Variants in FARP2 observed in about 807,000 individuals in gnomAD.
The protein encoded by FARP2 is FERM, ARHGEF and pleckstrin domain-containing protein 2.
FARP2 carries 111 observed loss-of-function variants against 130.5 expected under a neutral mutation model. The ratio of observed to expected loss-of-function variants is 0.85; its 90% CI spans 0.73 to 1.00. The LOEUF is 1.00. FARP2 is among the 50% of genes least tolerant of loss of function. The pLI is 0.00. For synonymous variants in FARP2, 504 were observed against 516.9 expected, an observed-to-expected ratio of 0.98 and a Z score of 0.34; for missense variants, 1,385 against 1,346.3, an observed-to-expected ratio of 1.03 and a Z score of -0.45.
intron 7 of FARP2, among the ~76,000 whole-genome samples, chr2:241,415,989 C>CTGTGTGTGTGTGTGTGTG (rs57774022): frequency 1.4e-5 from 2 of 141,714 alleles, no homozygotes; most frequent in African/African-American, 2.7e-5. Context: ...CAGGGTAGTT[C>CTGTGTGTGTGTGTGTGTG]TGTGTGTGTG....
At chr2:241,425,740 TC>T (rs1416933089) in intron 8 of FARP2, among the ~76,000 whole-genome samples, 5 of 108,694 alleles carry the variant, frequency 4.6e-5, no homozygotes, top group South Asian at 3.2e-4. Context: ...TCTCTCTCTC[TC>T]TTTTTTTTTT....
Position 241,434,328 on chromosome 2 carries a change from G to A in FARP2, c.1031+7G>A, listed in dbSNP as rs201484729. On this transcript the variant is annotated splice_region_variant and intron_variant, in intron 10 of 26. Transcript: ENST00000264042. The stretch of plus-strand genomic sequence containing the variant: ...GCTCCTCCTTCAGATACAGGTAGGG[G>A]CCATGCCGTGGCTTGCATGGGCCCC... 19 of 1,590,752 alleles carry A rather than the reference G, an allele frequency of 1.2e-5. No homozygotes were observed. In the East Asian group the frequency reaches 4.3e-4, roughly 36 times the overall value.
At chr2:241,483,378 C>G in intron 19 of FARP2, 87 bp from the exon 20 acceptor site, 1 of 1,145,190 alleles carries the variant, frequency 8.7e-7, no homozygotes, top group Non-Finnish European at 1.3e-6. Flanking sequence ...CAAGCGGCCA[C>G]AAGGCTATTC....
intron 3 of FARP2, 48 bp from the exon 4 acceptor site, chr2:241,404,751 A>G (rs765552459): frequency 7.1e-7 from 1 of 1,416,420 alleles, no homozygotes; most frequent in Non-Finnish European, 9.9e-7. Flanking sequence ...CTTGTTAAAT[A>G]GAGACATTAT....
intron 1 of FARP2, among the ~76,000 whole-genome samples, chr2:241,366,136 T>TGTGTATATATATACGTATATATATATAG (rs2061314366): frequency 1.8e-5 from 1 of 54,350 alleles, no homozygotes; most frequent in African/African-American, 6.5e-5. Context: ...TATATATATA[T>TGTGTATATATATACGTATATATATATAG]ATACACACAC....
intron 13 of FARP2, chr2:241,447,079 C>A (rs1328808045): frequency 6.6e-6 from 1 of 152,092 alleles, no homozygotes; most frequent in Admixed American, 6.5e-5. Flanking sequence ...TATAAATTTG[C>A]AGATATGTAC....
intron 21 of FARP2, among the ~76,000 whole-genome samples, chr2:241,487,744 C>CTT: frequency 2.2e-5 from 1 of 45,174 alleles, no homozygotes; most frequent in Non-Finnish European, 4.3e-5. Flanking sequence ...GCCTAGCCTA[C>CTT]TCTTTTTTTT....
chr2:241,478,905 C>G (rs2064543848), intron 19 of FARP2: 2 of 395,310 alleles, frequency 5.1e-6, no homozygotes, highest in Admixed American at 6.8e-5. Flanking sequence ...TATGTGGTGT[C>G]CAAGAAACTT....
chr2:241,370,951 G>GT (rs761881302), intron 1 of FARP2, among the ~76,000 whole-genome samples: 7 of 152,362 alleles, frequency 4.6e-5, no homozygotes, highest in Admixed American at 3.9e-4. Flanking sequence ...GGTAATAAAT[G>GT]TGTCAGTCAG....
rs751018109 is a variant in FARP2, at chr2:241,411,082, A to G, written c.460A>G (p.Thr154Ala). Residue 154 changes from threonine (T) to alanine (A), a missense_variant, in exon 6 of 27, where the codon ACC (threonine) becomes GCC (alanine). By Grantham distance (58) the Thr-to-Ala change is moderately conservative. Coordinates refer to ENST00000264042, the MANE Select transcript of FARP2 (RefSeq NM_014808.4). Reference sequence around the variant, plus strand: ...GAGAGACCTGCTGGAAGAGCGTTTGACCTGTGCTGACACCACAGCGGCCCT... The same window carrying G: ...GAGAGACCTGCTGGAAGAGCGTTTGGCCTGTGCTGACACCACAGCGGCCCT... ...LKRDLLEERL[T>A]CADTTAALLT... 7.4e-6 allele frequency: 12 copies of G among 1,612,342 alleles called. No individual in the cohort carries two copies. The highest frequency in any genetic ancestry group is 1.0e-5 in the Non-Finnish European group (12 of 1,179,216).
At chr2:241,460,195 GC>G (rs1174934599) in intron 14 of FARP2, among the ~76,000 whole-genome samples, 1 of 152,144 alleles carries the variant, frequency 6.6e-6, no homozygotes, top group Non-Finnish European at 1.5e-5. Flanking sequence ...GAAGGCTGGG[GC>G]CTCCCAGACC....
At chr2:241,484,203 T>A (rs1304544896) in intron 20 of FARP2, 39 bp from the exon 21 acceptor site, 4 of 1,613,190 alleles carry the variant, frequency 2.5e-6, no homozygotes, top group Non-Finnish European at 3.4e-6. Flanking sequence ...AAGACACTTG[T>A]TTGTGAAGTT....
chr2:241,360,673 CA>C (rs57878067), intron 1 of FARP2, among the ~76,000 whole-genome samples: 2,398 of 91,856 alleles, frequency 0.026, 22 homozygotes, highest in African/African-American at 0.07. Context: ...GACTCTGTCT[CA>C]AAAAAAAAAA....
chr2:241,414,099 G>C (rs2062601883), intron 7 of FARP2, among the ~76,000 whole-genome samples: 1 of 152,170 alleles, frequency 6.6e-6, no homozygotes, highest in South Asian at 2.1e-4. Context: ...TGCTGTGGTA[G>C]AGGAGGAGGG....
At chr2:241,406,315 C>A (rs761486959) in intron 4 of FARP2, among the ~76,000 whole-genome samples, 4 of 151,390 alleles carry the variant, frequency 2.6e-5, no homozygotes, top group Non-Finnish European at 4.4e-5. Flanking sequence ...CTCAAAAAAA[C>A]CAAAACAAAA....
intron 18 of FARP2, among the ~76,000 whole-genome samples, chr2:241,470,790 C>T (rs2064285397): frequency 6.6e-6 from 1 of 151,392 alleles, no homozygotes; most frequent in Non-Finnish European, 1.5e-5. Context: ...GGACCCTGTT[C>T]TTAGGAGGAT....
intron 12 of FARP2, among the ~76,000 whole-genome samples, chr2:241,439,874 C>T (rs891675135): frequency 2.0e-5 from 3 of 152,094 alleles, no homozygotes; most frequent in African/African-American, 7.2e-5. Context: ...CGGAGAATTG[C>T]TTGAACCTGG....
chr2:241,492,608 C>T (rs914683451), intron 24 of FARP2: 1 of 229,330 alleles, frequency 4.4e-6, no homozygotes, highest in African/African-American at 2.3e-5. Flanking sequence ...CCAGACTTGG[C>T]TCAATGTACT....
rs1163987379 is a variant in FARP2 at position 241,437,639 on chromosome 2, C to CATAT, written c.1158+1110_1158+1113dup. On this transcript the variant is annotated intron_variant, in intron 12 of 26. Coordinates refer to ENST00000264042, the MANE Select transcript of FARP2 (RefSeq NM_014808.4). The stretch of plus-strand genomic sequence containing the variant: ...TACCATCATGCCTCGCTGACATATA[C>CATAT]ATATATATATATTTATTTATTTATT... Among the ~76,000 whole-genome samples the CATAT allele has an allele frequency of 6.4e-4, 86 of 133,594 alleles. 2 individuals carry two copies. The highest frequency in any genetic ancestry group is 5.4e-3 in the Admixed American group (66 of 12,144). The allele number at this position is 133,594 out of a possible 152,430, so 87.6% of individuals were successfully genotyped here.
Sources: gnomAD v4.1 joint callset for allele counts (sites outside exome capture counted in the v4.1 genomes callset) on GRCh38, gnomAD v4.1.1 for gene constraint, MANE v1.5 for transcripts, NCBI Gene and HGNC (gene_info 2026-07-23, HGNC 2026-07-21) for gene names.